The following ANKRD45 variants were observed in gnomAD, a reference collection of about 807,000 sequenced individuals.
ANKRD45 encodes the protein ankyrin repeat domain 45.
Under a neutral mutation model 28.1 loss-of-function variants are expected in ANKRD45, and 21 were observed. The observed-to-expected ratio is 0.75, with a 90% CI of 0.53 to 1.08. The LOEUF (loss-of-function observed/expected upper bound fraction) is 1.08. ANKRD45 is among the 50% of genes least tolerant of loss of function. The probability of loss-of-function intolerance (pLI) is 0.00; values close to 1 mark genes in which losing one functional copy is unlikely to be tolerated. For synonymous variants in ANKRD45, 86 were observed against 103.9 expected (o/e 0.83, Z 1.05); for missense variants, 261 against 308.7 (o/e 0.85, Z 1.16).
chr1:173,666,096 T>G (rs942229596), intron 1 of ANKRD45, among the ~76,000 whole-genome samples: 1 of 152,206 alleles, frequency 6.6e-6, no homozygotes, highest in Non-Finnish European at 1.5e-5. Context: ...AAAAATAGTT[T>G]ATGAAAAATA....
At chr1:173,709,573 G>C in the ANKRD45 span, among the ~76,000 whole-genome samples, 10 of 152,002 alleles carry the variant, frequency 6.6e-5, no homozygotes, top group African/African-American at 2.2e-4. Flanking sequence ...CATCTTAAAG[G>C]CTGCACACCA....
the ANKRD45 span, among the ~76,000 whole-genome samples, chr1:173,707,880 G>A: frequency 1.3e-5 from 2 of 152,094 alleles, no homozygotes; most frequent in African/African-American, 4.8e-5. Context: ...AATTTCTTAC[G>A]TTTCCATAGT....
At chr1:173,692,278 A>G in the ANKRD45 span, among the ~76,000 whole-genome samples, 1 of 152,338 alleles carries the variant, frequency 6.6e-6, no homozygotes, top group East Asian at 1.9e-4. Flanking sequence ...GGTTTTATAC[A>G]TTTTAGGGAG....
the ANKRD45 span, among the ~76,000 whole-genome samples, chr1:173,699,082 T>A: frequency 6.6e-6 from 1 of 152,056 alleles, no homozygotes; most frequent in South Asian, 2.1e-4. Context: ...AAGAAATGGA[T>A]AAATTCCTGG....
At chr1:173,649,648 T>C (rs1272542856) in intron 2 of ANKRD45, among the ~76,000 whole-genome samples, 4 of 152,158 alleles carry the variant, frequency 2.6e-5, no homozygotes, top group Non-Finnish European at 5.9e-5. Flanking sequence ...GAGTTTAAAA[T>C]TTAGGTAGAT....
chr1:173,654,898 A>G (rs1456910781), intron 2 of ANKRD45, among the ~76,000 whole-genome samples: 4 of 152,230 alleles, frequency 2.6e-5, no homozygotes, highest in Non-Finnish European at 4.4e-5. Flanking sequence ...TGGCTACTGA[A>G]GCTTGTGCAT....
the ANKRD45 span, among the ~76,000 whole-genome samples, chr1:173,712,839 C>T: frequency 6.6e-6 from 1 of 152,186 alleles, no homozygotes; most frequent in Non-Finnish European, 1.5e-5. Context: ...TTACCATGCA[C>T]TATAATCACC....
chr1:173,703,207 A>ATT, the ANKRD45 span, among the ~76,000 whole-genome samples: 168 of 140,306 alleles, frequency 1.2e-3, no homozygotes, highest in Middle Eastern at 0.015. Flanking sequence ...TACCCAGCTA[A>ATT]TTTTTTTTTT....
chr1:173,710,452 A>G, the ANKRD45 span, among the ~76,000 whole-genome samples: 25 of 152,208 alleles, frequency 1.6e-4, no homozygotes, highest in Non-Finnish European at 2.4e-4. Context: ...ATATGCTGGC[A>G]TGCTTCTGGG....
At chr1:173,643,149 G>C (rs1175370140) in intron 3 of ANKRD45, among the ~76,000 whole-genome samples, 1 of 150,428 alleles carries the variant, frequency 6.6e-6, no homozygotes, top group East Asian at 1.9e-4. Context: ...TAATATCTGT[G>C]ACTTGTCTTA....
At chr1:173,682,958 G>A in the ANKRD45 span, among the ~76,000 whole-genome samples, 54 of 142,324 alleles carry the variant, frequency 3.8e-4, no homozygotes, top group East Asian at 7.5e-3. Flanking sequence ...TTTCTTTTTC[G>A]GGCCATTTTT....
At chr1:173,647,637 CTGTT>C (rs1003383231) in intron 2 of ANKRD45, among the ~76,000 whole-genome samples, 41 of 152,150 alleles carry the variant, frequency 2.7e-4, no homozygotes, top group African/African-American at 9.2e-4. Flanking sequence ...TTAAAGATCA[CTGTT>C]TGAACTTGCT....
At chr1:173,676,784 A>ATTAGAATT in the ANKRD45 span, among the ~76,000 whole-genome samples, 1 of 148,484 alleles carries the variant, frequency 6.7e-6, no homozygotes, top group African/African-American at 2.5e-5. Context: ...ACTAATTCAT[A>ATTAGAATT]TTAGAATTAT....
At chr1:173,680,774 A>T in the ANKRD45 span, among the ~76,000 whole-genome samples, 1 of 152,086 alleles carries the variant, frequency 6.6e-6, no homozygotes, top group Non-Finnish European at 1.5e-5. Flanking sequence ...ACACCATGGA[A>T]TACTATGCAG....
chr1:173,637,177 G>T, intron 3 of ANKRD45: 7 of 629,802 alleles, frequency 1.1e-5, no homozygotes, highest in South Asian at 1.1e-4. Flanking sequence ...AAGAAGCCTG[G>T]GTTGAAATGT....
the ANKRD45 span, among the ~76,000 whole-genome samples, chr1:173,680,456 G>A: frequency 7.3e-5 from 11 of 151,586 alleles, no homozygotes; most frequent in South Asian, 4.2e-4. Context: ...ACCAAACACC[G>A]CGTGCTCTCA....
intron 5 of ANKRD45, among the ~76,000 whole-genome samples, chr1:173,619,975 A>G (rs1667630857): frequency 6.6e-6 from 1 of 152,200 alleles, no homozygotes. Context: ...GAAACCTACA[A>G]AGAGACTTAG....
chr1:173,608,696 A>G lies in ANKRD45; in HGVS notation c.*1449T>C, dbSNP rs1667022741. 6.6e-6 allele frequency among the ~76,000 whole-genome samples: 1 copy of G among 150,536 alleles called. No individual in the cohort carries two copies. The highest frequency in any genetic ancestry group is 1.5e-5 in the Non-Finnish European group (1 of 67,756). ...CAGGAGTTACAGGTTACAGTGAGCT[A>G]TGATCATGATAACTCCACTGCATTC... On this transcript the variant is annotated 3_prime_UTR_variant, in exon 6 of 6. Coordinates refer to ENST00000333279, the MANE Select transcript of ANKRD45 (RefSeq NM_198493.3).
intron 3 of ANKRD45, among the ~76,000 whole-genome samples, chr1:173,636,326 A>C (rs1486462008): frequency 6.6e-6 from 1 of 152,196 alleles, no homozygotes; most frequent in Non-Finnish European, 1.5e-5. Flanking sequence ...TGAGAAATGG[A>C]GCTTTTAAAC....
Sources: allele counts gnomAD v4.1 joint callset (sites outside exome capture counted in the v4.1 genomes callset), GRCh38; gene constraint gnomAD v4.1.1; transcripts MANE v1.5; gene names NCBI Gene and HGNC (gene_info 2026-07-23, HGNC 2026-07-21).